The following GFRAL variants were observed in gnomAD, a reference collection of about 807,000 sequenced individuals.
GFRAL encodes the protein GDNF family receptor alpha like, also known as GDNF family receptor alpha-like.
Under a neutral mutation model 45.4 loss-of-function variants are expected in GFRAL, and 36 were observed. The ratio of observed to expected loss-of-function variants is 0.79; its 90% CI spans 0.61 to 1.05. The LOEUF (loss-of-function observed/expected upper bound fraction) is 1.05. Ranked by LOEUF, GFRAL falls within the 50% of genes least tolerant of loss-of-function variation. The pLI is 0.00. For synonymous variants in GFRAL, 166 were observed against 154.1 expected (o/e 1.08, Z -0.57); for missense variants, 507 against 467.5 (o/e 1.08, Z -0.78).
At position 55,399,448 on chromosome 6, in the gene GFRAL, G is replaced by A; in HGVS notation, c.1121+7G>A. On this transcript the variant is annotated splice_region_variant and intron_variant, in intron 8 of 8. Transcript: ENST00000340465. ...TGGTTATGGTCAAGCTTAGGTAACT[G>A]AATATAAATTAGAAGGAAAGGTCTG... 1.3e-6 allele frequency: 2 copies of A among 1,578,992 alleles called. No homozygotes were observed. Among genetic ancestry groups the A allele is most frequent in the Non-Finnish European group, 1.7e-6 (2 of 1,148,212 alleles).
chr6:55,396,721 A>T (rs1392721513), intron 6 of GFRAL, among the ~76,000 whole-genome samples: 1 of 152,128 alleles, frequency 6.6e-6, no homozygotes, highest in Non-Finnish European at 1.5e-5. Flanking sequence ...ATTAAAAAAA[A>T]GTATTATTTA....
At chr6:55,351,104 A>T (rs1005996670) in intron 4 of GFRAL, 149 bp from the exon 5 acceptor site, 1 of 618,548 alleles carries the variant, frequency 1.6e-6, no homozygotes, top group Admixed American at 3.0e-5. Flanking sequence ...GTAAATTCAT[A>T]CTTACTCTAA....
chr6:55,343,783 A>G (rs1296601053), intron 3 of GFRAL, among the ~76,000 whole-genome samples: 1 of 152,224 alleles, frequency 6.6e-6, no homozygotes, highest in Admixed American at 6.5e-5. Context: ...ACTGCTAACA[A>G]GACTAATAAA....
At chr6:55,338,728 C>A (rs1767922384) in intron 3 of GFRAL, among the ~76,000 whole-genome samples, 1 of 152,046 alleles carries the variant, frequency 6.6e-6, no homozygotes, top group Non-Finnish European at 1.5e-5. Context: ...GCAGAAGAAA[C>A]AGAATGAAGT....
chr6:55,397,520 G>C (rs1768842960), intron 6 of GFRAL, among the ~76,000 whole-genome samples: 2 of 45,256 alleles, frequency 4.4e-5, no homozygotes, highest in Admixed American at 4.3e-4. Context: ...GCGAGACTCC[G>C]TCTCAAAAAA....
At chr6:55,399,566 A>G (rs1431900323) in intron 8 of GFRAL, 125 bp downstream of exon 8, 1 of 653,392 alleles carries the variant, frequency 1.5e-6, no homozygotes, top group Non-Finnish European at 2.7e-6. Context: ...AAGACATATT[A>G]AATCAAGTTT....
intron 5 of GFRAL, among the ~76,000 whole-genome samples, chr6:55,354,903 A>T (rs572027129): frequency 1.3e-5 from 2 of 152,034 alleles, no homozygotes; most frequent in Admixed American, 1.3e-4. Context: ...TTTAAGGGCC[A>T]TTTCTCAATT....
chr6:55,342,418 C>A (rs1367580680), intron 3 of GFRAL, among the ~76,000 whole-genome samples: 1 of 151,932 alleles, frequency 6.6e-6, no homozygotes, highest in Non-Finnish European at 1.5e-5. Context: ...CATATCCAGC[C>A]AAACTAAGCT....
chr6:55,345,259 A>C (rs1768023236), intron 3 of GFRAL, among the ~76,000 whole-genome samples: 1 of 152,222 alleles, frequency 6.6e-6, no homozygotes. Context: ...CAAAAGAACA[A>C]AGCTGGAGGC....
chr6:55,364,333 T>C (rs1409569317), intron 6 of GFRAL, among the ~76,000 whole-genome samples: 2 of 150,750 alleles, frequency 1.3e-5, no homozygotes, highest in Non-Finnish European at 1.5e-5. Context: ...AGATTCTGGA[T>C]ATTAGCCCTT....
At chr6:55,365,924 G>A (rs1768355803) in intron 6 of GFRAL, among the ~76,000 whole-genome samples, 1 of 145,664 alleles carries the variant, frequency 6.9e-6, no homozygotes, top group African/African-American at 2.6e-5. Context: ...GTCCCTGCCT[G>A]GCTTTGGTAT....
chr6:55,342,447 T>G (rs1767981233), intron 3 of GFRAL, among the ~76,000 whole-genome samples: 1 of 151,894 alleles, frequency 6.6e-6, no homozygotes, highest in Non-Finnish European at 1.5e-5. Context: ...GAAGGAGAAA[T>G]AAAATACTTT....
In GFRAL at chr6:55,389,764, C is replaced by A. The variant is rs571660317; in HGVS notation, c.953-9416C>A. 9.9e-5 allele frequency among the ~76,000 whole-genome samples: 15 copies of A among 152,264 alleles called. No individual in the cohort carries two copies. The East Asian group carries it at 2.1e-3, about 22-fold the overall frequency. The stretch of plus-strand genomic sequence containing the variant: ...TTTACTAGTATTTTTATTTCTAATT[C>A]TCATTATGTATTTGTGTGTATATGT... On this transcript the variant is annotated intron_variant, in intron 6 of 8. Coordinates refer to ENST00000340465, the MANE Select transcript of GFRAL (RefSeq NM_207410.2).
chr6:55,374,487 T>TC (rs907420621), intron 6 of GFRAL, among the ~76,000 whole-genome samples: 5 of 152,214 alleles, frequency 3.3e-5, no homozygotes, highest in Non-Finnish European at 5.9e-5. Context: ...TTGTTTTTTT[T>TC]CTTTTCAATT....
rs1768903536 is a variant in GFRAL, at chr6:55,401,870, G to A, written c.*17G>A. 7.4e-7 allele frequency: 1 copy of A among 1,345,140 alleles called. No individual in the cohort carries two copies. The highest frequency in any genetic ancestry group is 1.1e-6 in the Non-Finnish European group (1 of 936,346). 83.3% of individuals were successfully genotyped at this position (1,345,140 alleles called of 1,614,324 possible). On this transcript the variant is annotated 3_prime_UTR_variant, in exon 9 of 9. Transcript: ENST00000340465. ...GAACTCTGATTCATTAGGAGTCATG[G>A]ACCTATAACAATCACTCTTTTCTCT...
chr6:55,335,889 C>A (rs1767883395), intron 3 of GFRAL, among the ~76,000 whole-genome samples: 1 of 129,018 alleles, frequency 7.8e-6, no homozygotes, highest in Admixed American at 7.9e-5. Context: ...TATTCTATTT[C>A]TTTGTCTTTA....
intron 6 of GFRAL, among the ~76,000 whole-genome samples, chr6:55,386,833 T>A (rs1184454674): frequency 6.6e-6 from 1 of 152,046 alleles, no homozygotes; most frequent in Non-Finnish European, 1.5e-5. Flanking sequence ...ATCCAGCTGG[T>A]TTAAATTTTG....
intron 3 of GFRAL, among the ~76,000 whole-genome samples, chr6:55,345,655 T>C (rs1768031012): frequency 6.6e-6 from 1 of 152,058 alleles, no homozygotes; most frequent in South Asian, 2.1e-4. Context: ...ATGTCTAAAA[T>C]ACCAAAAACA....
chr6:55,379,572 A>G (rs986827238), intron 6 of GFRAL, among the ~76,000 whole-genome samples: 7 of 32,390 alleles, frequency 2.2e-4, no homozygotes, highest in Non-Finnish European at 4.5e-4. Context: ...GATGTTTTGA[A>G]ATACACACAC....
Sources: allele counts gnomAD v4.1 joint callset (sites outside exome capture counted in the v4.1 genomes callset), GRCh38; gene constraint gnomAD v4.1.1; transcripts MANE v1.5; gene names NCBI Gene and HGNC (gene_info 2026-07-23, HGNC 2026-07-21).